ADPRHL1: variants seen among roughly 807,000 people sequenced by gnomAD.
The protein encoded by ADPRHL1 is inactive ADP-ribosyltransferase ARH2.
ADPRHL1 carries 43 observed loss-of-function variants against 44.1 expected under a neutral mutation model. The ratio of observed to expected loss-of-function variants is 0.98; its 90% CI spans 0.76 to 1.26. The LOEUF (loss-of-function observed/expected upper bound fraction) is 1.26. Ranked by LOEUF, ADPRHL1 falls within the 50% of genes most tolerant of loss-of-function variation. The pLI is 0.00. For missense variants in ADPRHL1, 2,022 were observed against 2,496.9 expected (o/e 0.81, Z 4.05); for synonymous variants, 878 against 1,017.4 (o/e 0.86, Z 2.61).
intron 1 of ADPRHL1, among the ~76,000 whole-genome samples, chr13:113,450,210 G>A (rs1336770757): frequency 6.6e-6 from 1 of 152,182 alleles, no homozygotes; most frequent in African/African-American, 2.4e-5. Flanking sequence ...GAGCCACTGT[G>A]CCCAGCCCTC....
rs577414576 is a variant in ADPRHL1 at position 113,402,139 on chromosome 13, C to A, written c.*1239G>T. On this transcript the variant is annotated 3_prime_UTR_variant, in exon 8 of 8. Coordinates refer to ENST00000612156, the MANE Select transcript of ADPRHL1 (RefSeq NM_001394807.1). Reference sequence around the variant, plus strand: ...AAAACAAGGGTGCGGGGCTGTAGGGCGACAGGCTGCATCGGTTCACGCTGA... The same window carrying A: ...AAAACAAGGGTGCGGGGCTGTAGGGAGACAGGCTGCATCGGTTCACGCTGA... The A allele has an allele frequency of 1.3e-5, 2 of 152,210 alleles. No individual in the cohort carries two copies. The highest frequency in any genetic ancestry group is 3.9e-4 in the East Asian group (2 of 5,192). 9.4% of individuals were successfully genotyped at this position (152,210 alleles called of 1,614,324 possible).
chr13:113,419,449 A>AT (rs200988408), intron 7 of ADPRHL1, among the ~76,000 whole-genome samples: 2,967 of 152,122 alleles, frequency 0.02, 51 homozygotes, highest in Admixed American at 0.054. Flanking sequence ...AGAAAGAAAA[A>AT]TAAAAACTCC....
chr13:113,403,341 C>T lies in ADPRHL1; in HGVS notation c.*37G>A. The T allele has an allele frequency of 8.1e-7, 1 of 1,231,712 alleles. No individual in the cohort carries two copies. 76.3% of individuals were successfully genotyped at this position (1,231,712 alleles called of 1,614,324 possible). On this transcript the variant is annotated 3_prime_UTR_variant, in exon 8 of 8. Transcript: ENST00000612156. ...CTGAAGTCCCTCAATGGGCGGATGTCACAGTGCTGGGCGAGCCACGGTGTG... is the reference window on the plus strand; with the variant it reads ...CTGAAGTCCCTCAATGGGCGGATGTTACAGTGCTGGGCGAGCCACGGTGTG...
Position 113,405,108 on chromosome 13 carries a change from G to T in ADPRHL1, c.4174C>A (p.Pro1392Thr). ...SHQAQEETPQ[P>T]GDAGKRVAPS... ...GCCACCCTCTTCCCCGCATCCCCGGGCTGGGGGGTCTCCTCCTGTGCCTGG... is the reference window on the plus strand; with the variant it reads ...GCCACCCTCTTCCCCGCATCCCCGGTCTGGGGGGTCTCCTCCTGTGCCTGG... Residue 1392 changes from proline to threonine, a missense_variant, in exon 8 of 8, where the codon CCC (proline) becomes ACC (threonine). Coordinates refer to ENST00000612156, the MANE Select transcript of ADPRHL1 (RefSeq NM_001394807.1). The T allele has an allele frequency of 8.1e-7, 1 of 1,232,248 alleles. No homozygotes were observed. The highest frequency in any genetic ancestry group is 1.0e-6 in the Non-Finnish European group (1 of 988,354). 76.3% of individuals were successfully genotyped at this position (1,232,248 alleles called of 1,614,324 possible).
intron 1 of ADPRHL1, among the ~76,000 whole-genome samples, chr13:113,450,962 C>CT (rs199904245): frequency 0.012 from 1,814 of 151,810 alleles, 54 homozygotes; most frequent in African/African-American, 0.04. Context: ...ACCCCCCCCC[C>CT]CTTCCTGGTC....
chr13:113,408,034 C>G lies in ADPRHL1; in HGVS notation c.1248G>C (p.Gln416His). The G allele has an allele frequency of 1.6e-6, 2 of 1,232,844 alleles. No homozygotes were observed. Among genetic ancestry groups the G allele is most frequent in the Non-Finnish European group, 2.0e-6 (2 of 988,672 alleles). The allele number at this position is 1,232,844 out of a possible 1,614,324, so 76.4% of individuals were successfully genotyped here. Residue 416 changes from glutamine to histidine, a missense_variant, in exon 8 of 8, where the codon CAG becomes CAC. Physicochemically the swap from Gln to His is conservative, Grantham distance 24 (BLOSUM62 0). Coordinates refer to ENST00000612156, the MANE Select transcript of ADPRHL1 (RefSeq NM_001394807.1). ...GCTGGGTGGCCTCCTGGGTCTGGGGCTGGTGGCTGGGCCTGCTCCCCCCGG... is the reference window on the plus strand; with the variant it reads ...GCTGGGTGGCCTCCTGGGTCTGGGGGTGGTGGCTGGGCCTGCTCCCCCCGG... ...TEAGGSRPSH[Q>H]PQTQEATQRP...
At chr13:113,418,980 T>TTCCTTCCCTCCC (rs2043899900) in intron 7 of ADPRHL1, among the ~76,000 whole-genome samples, 2 of 105,644 alleles carry the variant, frequency 1.9e-5, no homozygotes, top group Admixed American at 1.8e-4. Flanking sequence ...CCTCTTTTCC[T>TTCCTTCCCTCCC]TCCCTCCCTC....
chr13:113,423,529 CAT>C (rs776508754), intron 6 of ADPRHL1, among the ~76,000 whole-genome samples: 1 of 152,204 alleles, frequency 6.6e-6, no homozygotes, highest in Non-Finnish European at 1.5e-5. Context: ...TTTCCCAGCT[CAT>C]GTCTGTGGTC....
intron 4 of ADPRHL1, among the ~76,000 whole-genome samples, chr13:113,426,079 G>A (rs544413336): frequency 6.6e-6 from 1 of 152,272 alleles, no homozygotes; most frequent in South Asian, 2.1e-4. Flanking sequence ...GCAGGGCGTG[G>A]CATGTTTCAT....
At chr13:113,418,418 C>T (rs1255674345) in intron 7 of ADPRHL1, among the ~76,000 whole-genome samples, 1 of 152,200 alleles carries the variant, frequency 6.6e-6, no homozygotes, top group Non-Finnish European at 1.5e-5. Flanking sequence ...CTCCCTGGAT[C>T]CGCTTCCTCC....
chr13:113,452,084 C>T (rs907470672), intron 1 of ADPRHL1, among the ~76,000 whole-genome samples: 3 of 152,172 alleles, frequency 2.0e-5, no homozygotes, highest in East Asian at 3.9e-4. Context: ...GAGCTCCAGC[C>T]GTCTACGGTG....
At chr13:113,448,512 C>T (rs112325978) in intron 1 of ADPRHL1, among the ~76,000 whole-genome samples, 2,686 of 150,612 alleles carry the variant, frequency 0.018, 48 homozygotes, top group Non-Finnish European at 0.023. Flanking sequence ...GTCTCCCAAC[C>T]CATGTCTCAA....
intron 1 of ADPRHL1, among the ~76,000 whole-genome samples, chr13:113,450,287 T>C (rs1290825464): frequency 1.3e-5 from 2 of 152,214 alleles, no homozygotes; most frequent in Non-Finnish European, 2.9e-5. Flanking sequence ...AGAACAAAGA[T>C]AAACTTAAGT....
chr13:113,439,905 T>C (rs1326972511), intron 2 of ADPRHL1, among the ~76,000 whole-genome samples: 1 of 152,248 alleles, frequency 6.6e-6, no homozygotes, highest in Non-Finnish European at 1.5e-5. Context: ...TATTTTCCTC[T>C]TAATTTCCGT....
rs112591236 is a variant in ADPRHL1, at chr13:113,424,151, C to T, written c.907+66G>A. 91 of 1,591,932 alleles carry T rather than the reference C, an allele frequency of 5.7e-5. 1 individual carries two copies. The highest frequency in any genetic ancestry group is 3.5e-4 in the African/African-American group (26 of 74,676). On this transcript the variant is annotated intron_variant, in intron 6 of 7. Coordinates refer to ENST00000612156, the MANE Select transcript of ADPRHL1 (RefSeq NM_001394807.1). Reference sequence around the variant, plus strand: ...GAATGCCTGCAGTCCTAGGACACTCCGAGGGGGTGCTTCAGAAGAAGGGTG... The same window carrying T: ...GAATGCCTGCAGTCCTAGGACACTCTGAGGGGGTGCTTCAGAAGAAGGGTG...
At chr13:113,447,512 G>T (rs901804460) in intron 1 of ADPRHL1, among the ~76,000 whole-genome samples, 1 of 151,674 alleles carries the variant, frequency 6.6e-6, no homozygotes. Flanking sequence ...TCATGGTGTT[G>T]TGTGTGCATG....
intron 1 of ADPRHL1, among the ~76,000 whole-genome samples, chr13:113,451,008 G>A (rs2044175476): frequency 6.7e-6 from 1 of 148,468 alleles, no homozygotes. Context: ...GCCACCTTTT[G>A]CTACTGCTGG....
At chr13:113,450,989 T>G (rs1249396540) in intron 1 of ADPRHL1, among the ~76,000 whole-genome samples, 1 of 146,902 alleles carries the variant, frequency 6.8e-6, no homozygotes, top group African/African-American at 2.5e-5. Context: ...GTAGCAGGTG[T>G]TGTTCCTTGC....
At chr13:113,429,191 T>C (rs1288037257) in intron 3 of ADPRHL1, 99 bp from the exon 4 acceptor site, 2 of 1,483,674 alleles carry the variant, frequency 1.3e-6, no homozygotes, top group Admixed American at 2.1e-5. Context: ...AGGAAGGGTT[T>C]GCTCGTTTTC....
Sources: allele counts gnomAD v4.1 joint callset (sites outside exome capture counted in the v4.1 genomes callset), GRCh38; gene constraint gnomAD v4.1.1; transcripts MANE v1.5; gene names NCBI Gene and HGNC (gene_info 2026-07-23, HGNC 2026-07-21).